The following WDR90 variants were observed in gnomAD, a reference collection of about 807,000 sequenced individuals.
The protein encoded by WDR90 is WD repeat-containing protein 90.
In WDR90, 238 loss-of-function variants were observed where a neutral mutation model predicts 195.2. That is an observed-to-expected ratio of 1.22 (90% CI 1.10 to 1.36). The LOEUF (loss-of-function observed/expected upper bound fraction) is 1.36, where lower values mean the gene tolerates loss of function less well. Ranked by LOEUF, WDR90 falls within the 40% of genes most tolerant of loss-of-function variation. The pLI, the probability that WDR90 is intolerant of heterozygous loss-of-function variation, is 0.00. For missense variants in WDR90, 2,734 were observed against 2,439.5 expected, an observed-to-expected ratio of 1.12 and a Z score of -2.54; for synonymous variants, 1,265 against 1,052.4, an observed-to-expected ratio of 1.20 and a Z score of -3.91.
At chr16:663,866 G>A (rs578064349) in intron 34 of WDR90, among the ~76,000 whole-genome samples, 5 of 152,320 alleles carry the variant, frequency 3.3e-5, no homozygotes, top group African/African-American at 7.2e-5. Flanking sequence ...GGTTCCTGGC[G>A]TGGCGTTGGT....
chr16:667,385 G>A (rs2038121023), intron 40 of WDR90, 47 bp from the exon 41 acceptor site: 1 of 1,557,698 alleles, frequency 6.4e-7, no homozygotes, highest in Non-Finnish European at 8.7e-7. Flanking sequence ...AGCCCTCTGA[G>A]TGCTGCCTGG....
chr16:665,849 T>C (rs777061541), intron 35 of WDR90, 48 bp downstream of exon 35: 59 of 1,353,760 alleles, frequency 4.4e-5, no homozygotes, highest in South Asian at 1.4e-4. Context: ...GCCTGCTCAG[T>C]GGGGGGCCTG....
chr16:650,140 CG>C lies in WDR90; in HGVS notation c.253del (p.Val85SerfsTer72). On this transcript the variant is annotated frameshift_variant, in exon 3 of 41. Transcript: ENST00000293879. LOFTEE classifies it high-confidence loss of function. ...TTCGGCCCCTGCCCAGCAAGCACTT[CG>C]TCATCCACCTCGATGTGTCCTCCAA... is the stretch of plus-strand genomic sequence containing the variant. Reference protein sequence around the residue: ...LFRPLPSKHFVIHLDVSSKDN... With the variant: ...LFRPLPSKHFXIHLDVSSKDN... 1 of 1,613,064 alleles carries C rather than the reference CG, an allele frequency of 6.2e-7. No homozygotes were observed. Among genetic ancestry groups the C allele is most frequent in the Non-Finnish European group, 8.5e-7 (1 of 1,179,948 alleles).
At chr16:652,423 C>T (rs753218930) in intron 9 of WDR90, 44 bp from the exon 10 acceptor site, 2 of 1,556,466 alleles carry the variant, frequency 1.3e-6, no homozygotes, top group Non-Finnish European at 8.7e-7. Flanking sequence ...ATTCTGGGGA[C>T]CTGGCTGAGC....
intron 31 of WDR90, 39 bp from the exon 32 acceptor site, chr16:661,852 G>A: frequency 1.9e-6 from 3 of 1,593,644 alleles, no homozygotes; most frequent in Non-Finnish European, 2.6e-6. Context: ...CTGGGCCCCG[G>A]GACACTGCTG....
In WDR90 at chr16:661,621, C is replaced by T. The variant is rs1191710901; in HGVS notation, c.3698C>T (p.Ala1233Val). 1.3e-6 allele frequency: 2 copies of T among 1,599,768 alleles called. No individual in the cohort carries two copies. The highest frequency in any genetic ancestry group is 1.7e-6 in the Non-Finnish European group (2 of 1,172,550). Residue 1233 changes from alanine (A) to valine (V), a missense_variant, in exon 31 of 41, where the codon GCC becomes GTC. Physicochemically the swap from Ala to Val is moderately conservative, Grantham distance 64. Transcript: ENST00000293879. The stretch of plus-strand genomic sequence containing the variant: ...GGGGACCACGATGGCCGCACCCTCG[C>T]CCTGTGGGGCACGGCCACCTATGAC... Reference protein sequence around the residue: ...TLGDHDGRTLALWGTATYDLV... With the variant: ...TLGDHDGRTLVLWGTATYDLV...
rs143047488 is a variant in WDR90 at position 653,648 on chromosome 16, A to G, written c.1357A>G (p.Met453Val). ...GRCLCLFRSP[M>V]HVVCSLSFSD... ...GTGCTTGTGCCTGTTCCGGAGCCCA[A>G]TGCACGTTGTCTGCTCTCTCAGGTG... is the stretch of plus-strand genomic sequence containing the variant. Residue 453 changes from methionine to valine, a missense_variant, in exon 12 of 41, where the codon ATG (methionine) becomes GTG (valine). Transcript: ENST00000293879. The G allele has an allele frequency of 2.1e-3, 3,468 of 1,613,536 alleles. 10 individuals carry two copies. Among genetic ancestry groups the G allele is most frequent in the Non-Finnish European group, 2.0e-3 (2,409 of 1,179,980 alleles).
intron 8 of WDR90, 37 bp downstream of exon 8, chr16:651,784 G>T (rs2037651439): frequency 1.9e-6 from 3 of 1,612,402 alleles, no homozygotes; most frequent in Non-Finnish European, 2.5e-6. Flanking sequence ...TGGGGTTGGG[G>T]TGTGATGGCC....
chr16:667,642 T>C lies in WDR90; in HGVS notation c.*53T>C, dbSNP rs1191972977. ...ATCACGCCTGGTCATGCCAGGCACC[T>C]GGACACAGGCTTGGCAGAGGCGCCA... On this transcript the variant is annotated 3_prime_UTR_variant, in exon 41 of 41. Coordinates refer to ENST00000293879, the MANE Select transcript of WDR90 (RefSeq NM_145294.5). The C allele has an allele frequency of 2.5e-6, 4 of 1,597,244 alleles. No individual in the cohort carries two copies. In the South Asian group the frequency reaches 4.4e-5, roughly 18 times the overall value.
In WDR90 at chr16:660,184, C is replaced by T. The variant is rs769292186; in HGVS notation, c.3288+23C>T. 16 of 1,485,670 alleles carry T rather than the reference C, an allele frequency of 1.1e-5. No individual in the cohort carries two copies. The African/African-American group carries it at 1.3e-4, about 12-fold the overall frequency. 92.0% of individuals were successfully genotyped at this position (1,485,670 alleles called of 1,614,324 possible). Reference sequence around the variant, plus strand: ...AAGGTGGGGAGTGGTTTCTGGGAGCCCTCTTTATCCCCAGCAAGCACAGAG... The same window carrying T: ...AAGGTGGGGAGTGGTTTCTGGGAGCTCTCTTTATCCCCAGCAAGCACAGAG... On this transcript the variant is annotated intron_variant, in intron 27 of 40. Transcript: ENST00000293879.
intron 7 of WDR90, 103 bp from the exon 8 acceptor site, chr16:651,541 C>G (rs1000045050): frequency 8.6e-6 from 10 of 1,166,522 alleles, no homozygotes; most frequent in Middle Eastern, 2.8e-4. Context: ...CCTGCAGAGC[C>G]GGTGAGGCTG....
At chr16:652,215 A>C (rs891435460) in intron 9 of WDR90, 176 bp downstream of exon 9, 1 of 875,492 alleles carries the variant, frequency 1.1e-6, no homozygotes, top group Admixed American at 2.6e-5. Flanking sequence ...TCTGTCCACA[A>C]AGAGTAAGGC....
intron 13 of WDR90, 41 bp from the exon 14 acceptor site, chr16:654,988 G>T (rs1001378990): frequency 3.1e-6 from 5 of 1,594,032 alleles, no homozygotes; most frequent in Non-Finnish European, 4.3e-6. Context: ...AGGTGGCCCC[G>T]ACTGGCCCTG....
Position 655,286 on chromosome 16 carries a change from C to G in WDR90, c.1557-21C>G, listed in dbSNP as rs1327694736. ...CAGGGCGCTGCGAGCTGCGGCAGTGCTCAGTCCTCATTCCTTGCAGGATGG... is the reference window on the plus strand; with the variant it reads ...CAGGGCGCTGCGAGCTGCGGCAGTGGTCAGTCCTCATTCCTTGCAGGATGG... On this transcript the variant is annotated intron_variant, in intron 14 of 40. Transcript: ENST00000293879. 8 of 1,608,630 alleles carry G rather than the reference C, an allele frequency of 5.0e-6. 1 individual carries two copies. Among genetic ancestry groups the G allele is most frequent in the Non-Finnish European group, 6.8e-6 (8 of 1,179,764 alleles).
chr16:661,483 A>C lies in WDR90; in HGVS notation c.3655A>C (p.Arg1219=), dbSNP rs760679828. ...VLALAFSPDD[R]LLVTLGDHDG... ...GGCCCTGGCCTTCTCACCAGATGAC[A>C]GGCTTCTTGTCACACTGGGTCAGTG... Residue 1219 remains arginine (R), a synonymous_variant, in exon 30 of 41, where the codon AGG becomes CGG. Coordinates refer to ENST00000293879, the MANE Select transcript of WDR90 (RefSeq NM_145294.5). 3 of 1,607,248 alleles carry C rather than the reference A, an allele frequency of 1.9e-6. No individual in the cohort carries two copies. Among genetic ancestry groups the C allele is most frequent in the Admixed American group, 1.7e-5 (1 of 59,752 alleles).
At chr16:661,278 C>T in intron 29 of WDR90, 64 bp from the exon 30 acceptor site, 2 of 1,535,898 alleles carry the variant, frequency 1.3e-6, no homozygotes, top group Non-Finnish European at 1.7e-6. Flanking sequence ...AGCAGACGGC[C>T]ACCCCAGCCT....
Position 649,795 on chromosome 16 carries a change from C to G in WDR90, c.43C>G (p.His15Asp). 1 of 1,575,392 alleles carries G rather than the reference C, an allele frequency of 6.3e-7. No individual in the cohort carries two copies. Among genetic ancestry groups the G allele is most frequent in the Admixed American group, 1.8e-5 (1 of 54,290 alleles). ...WQHPFLNVFR[H>D]FRVDEWKRSA... ...GCACCCGTTCCTCAACGTCTTCAGACACTTCCGGGTGGACGAGTGGAAGCG... is the reference window on the plus strand; with the variant it reads ...GCACCCGTTCCTCAACGTCTTCAGAGACTTCCGGGTGGACGAGTGGAAGCG... Residue 15 changes from histidine (H) to aspartate (D), a missense_variant, in exon 2 of 41, where the codon CAC becomes GAC. Transcript: ENST00000293879.
chr16:649,515 C>T, intron 1 of WDR90, 89 bp downstream of exon 1: 2 of 1,271,500 alleles, frequency 1.6e-6, no homozygotes, highest in South Asian at 2.7e-5. Context: ...AGGGCCCCCG[C>T]CTAGGCCCTG....
At chr16:656,026 A>G (rs2037745909) in intron 17 of WDR90, 137 bp downstream of exon 17, 1 of 1,101,806 alleles carries the variant, frequency 9.1e-7, no homozygotes, top group Non-Finnish European at 1.3e-6. Flanking sequence ...GCCAAGTGGC[A>G]TATCCAGAGC....
Sources: gnomAD v4.1 joint callset for allele counts (sites outside exome capture counted in the v4.1 genomes callset) on GRCh38, gnomAD v4.1.1 for gene constraint, MANE v1.5 for transcripts, NCBI Gene and HGNC (gene_info 2026-07-23, HGNC 2026-07-21) for gene names.